The following TMTC1 variants were observed in gnomAD, a reference collection of about 807,000 sequenced individuals.
TMTC1 encodes the protein transmembrane O-mannosyltransferase targeting cadherins 1, also known as protein O-mannosyl-transferase TMTC1.
In TMTC1, 73 loss-of-function variants were observed where a neutral mutation model predicts 104.8. That is an observed-to-expected ratio of 0.70 (90% CI 0.58 to 0.85). TMTC1 has a LOEUF of 0.85. TMTC1 is among the 40% of genes least tolerant of loss of function. TMTC1 has a pLI of 0.00. For missense variants in TMTC1, 1,035 were observed against 1,096.1 expected, an observed-to-expected ratio of 0.94 and a Z score of 0.79; for synonymous variants, 434 against 428.7, an observed-to-expected ratio of 1.01 and a Z score of -0.15.
Position 29,602,246 on chromosome 12 carries a change from G to A in TMTC1, c.1250+1932C>T, listed in dbSNP as rs889863475. 6.6e-5 allele frequency among the ~76,000 whole-genome samples: 10 copies of A among 152,266 alleles called. No individual in the cohort carries two copies. In the South Asian group the frequency reaches 1.2e-3, roughly 19 times the overall value. On this transcript the variant is annotated intron_variant, in intron 7 of 17. Coordinates refer to ENST00000539277, the MANE Select transcript of TMTC1 (RefSeq NM_001193451.2). ...CATCCTCAACCTTCCGGGCTCAAGA[G>A]ATCCCCCACCTTAGTCTCCTGAGTA... is the stretch of plus-strand genomic sequence containing the variant.
intron 5 of TMTC1, among the ~76,000 whole-genome samples, chr12:29,717,560 C>G (rs1942119757): frequency 6.6e-6 from 1 of 152,178 alleles, no homozygotes; most frequent in Non-Finnish European, 1.5e-5. Flanking sequence ...TTTCACAAAC[C>G]TGTGTTCCAA....
At chr12:29,580,908 T>G (rs1315104103) in intron 8 of TMTC1, among the ~76,000 whole-genome samples, 1 of 152,168 alleles carries the variant, frequency 6.6e-6, no homozygotes, top group Non-Finnish European at 1.5e-5. Context: ...ATTCTCTCTC[T>G]CTCATCCTAG....
intron 6 of TMTC1, among the ~76,000 whole-genome samples, chr12:29,618,266 G>A (rs995433861): frequency 1.2e-4 from 19 of 152,182 alleles, no homozygotes; most frequent in Admixed American, 3.9e-4. Context: ...CACTGAATGG[G>A]TAAAGTCAAA....
chr12:29,735,386 C>T (rs1268729278), intron 5 of TMTC1, among the ~76,000 whole-genome samples: 2 of 152,040 alleles, frequency 1.3e-5, no homozygotes, highest in East Asian at 1.9e-4. Flanking sequence ...TTGCAAAATG[C>T]AGATAAGAAT....
Position 29,783,803 on chromosome 12 carries a change from T to C in TMTC1, c.-52A>G. On this transcript the variant is annotated 5_prime_UTR_variant, in exon 1 of 18. Coordinates refer to ENST00000539277, the MANE Select transcript of TMTC1 (RefSeq NM_001193451.2). The surrounding 1 kb of genome is among the most constrained non-coding windows in gnomAD (Gnocchi z 4.7). ...GGCCTCTCCCGGGCGTCTGGCATCC[T>C]CCCCTACCGGGGCCCCGGCGGCGCG... The C allele has an allele frequency of 8.9e-7, 1 of 1,119,982 alleles. No homozygotes were observed. The highest frequency in any genetic ancestry group is 1.6e-5 in the African/African-American group (1 of 60,724). The allele number at this position is 1,119,982 out of a possible 1,614,324, so 69.4% of individuals were successfully genotyped here.
At chr12:29,637,221 A>C (rs1938606468) in intron 5 of TMTC1, among the ~76,000 whole-genome samples, 1 of 152,218 alleles carries the variant, frequency 6.6e-6, no homozygotes. Flanking sequence ...TAGTTCAGCT[A>C]GCTGTCCAAC....
rs560709434 is a variant in TMTC1 at position 29,587,144 on chromosome 12, G to T, written c.1251-3570C>A. Among the ~76,000 whole-genome samples, 372 of 152,054 alleles carry T rather than the reference G, an allele frequency of 2.4e-3. 1 individual carries two copies. The highest frequency in any genetic ancestry group is 8.6e-3 in the African/African-American group (358 of 41,496). On this transcript the variant is annotated intron_variant, in intron 7 of 17. Transcript: ENST00000539277. ...TATTGGTCTATTCAGAGATTCAACT[G>T]CTTCCTGGTTTAGTCTTGGGAGGGT...
chr12:29,645,061 T>G (rs1005788117), intron 5 of TMTC1, among the ~76,000 whole-genome samples: 2 of 152,192 alleles, frequency 1.3e-5, no homozygotes, highest in African/African-American at 4.8e-5. Context: ...GAGCAGTGAC[T>G]ATGTCTGTCT....
chr12:29,688,842 G>A (rs1941177703), intron 5 of TMTC1, among the ~76,000 whole-genome samples: 1 of 151,100 alleles, frequency 6.6e-6, no homozygotes, highest in Non-Finnish European at 1.5e-5. Flanking sequence ...CTACCTTTTT[G>A]TTGGGAACAA....
intron 6 of TMTC1, among the ~76,000 whole-genome samples, chr12:29,631,678 C>A (rs144688832): frequency 6.6e-6 from 1 of 152,118 alleles, no homozygotes; most frequent in South Asian, 2.1e-4. Context: ...GTGTTGCATG[C>A]CACACATTGT....
chr12:29,578,090 T>C (rs1243531626), intron 8 of TMTC1, among the ~76,000 whole-genome samples: 2 of 152,098 alleles, frequency 1.3e-5, no homozygotes, highest in African/African-American at 2.4e-5. Flanking sequence ...TTCTAATTTA[T>C]GTCCCACCCA....
rs1314632418 is a variant in TMTC1 at position 29,751,671 on chromosome 12, C to T, written c.933G>A (p.Met311Ile). 1 of 1,614,146 alleles carries T rather than the reference C, an allele frequency of 6.2e-7. No individual in the cohort carries two copies. The highest frequency in any genetic ancestry group is 1.1e-5 in the South Asian group (1 of 91,066). The change falls in exon 5 of 18, where the codon ATG becomes ATA. Residue 311 changes from methionine (M) to isoleucine (I), a missense_variant. By Grantham distance (10) the Met-to-Ile change is conservative. Transcript: ENST00000539277. The stretch of plus-strand genomic sequence containing the variant: ...CAAGAAACCCAGCCCAGTACCTCAT[C>T]ATGGACCACACAGCTCGTGGGGACA... Reference protein sequence around the residue: ...FPVSPRAVWSMMRFLTYSYLL... With the variant: ...FPVSPRAVWSIMRFLTYSYLL...
At chr12:29,674,874 G>A (rs543312562) in intron 5 of TMTC1, among the ~76,000 whole-genome samples, 1 of 152,308 alleles carries the variant, frequency 6.6e-6, no homozygotes, top group Admixed American at 6.5e-5. Flanking sequence ...GCCAGCAGCA[G>A]CCCTGATCTA....
intron 5 of TMTC1, among the ~76,000 whole-genome samples, chr12:29,737,383 T>G (rs1277030391): frequency 1.3e-5 from 2 of 152,196 alleles, no homozygotes; most frequent in Admixed American, 1.3e-4. Flanking sequence ...CTGGGCCTGG[T>G]GGCGCATGCC....
At chr12:29,628,387 G>A (rs775658991) in intron 6 of TMTC1, among the ~76,000 whole-genome samples, 7 of 152,112 alleles carry the variant, frequency 4.6e-5, no homozygotes, top group Admixed American at 1.3e-4. Context: ...TATTACTCCT[G>A]TAAACAAAAA....
intron 5 of TMTC1, among the ~76,000 whole-genome samples, chr12:29,710,242 G>C (rs964026315): frequency 1.3e-5 from 2 of 152,014 alleles, no homozygotes; most frequent in African/African-American, 4.8e-5. Context: ...CCACTTTGCC[G>C]GGGTCTGCAG....
chr12:29,751,607 T>A (rs1220475666), intron 5 of TMTC1, 59 bp downstream of exon 5: 19 of 1,584,388 alleles, frequency 1.2e-5, no homozygotes, highest in African/African-American at 2.7e-5. Flanking sequence ...CATCCCAGGC[T>A]GCACTAGGTG....
At chr12:29,649,372 C>T (rs1160961851) in intron 5 of TMTC1, among the ~76,000 whole-genome samples, 1 of 152,140 alleles carries the variant, frequency 6.6e-6, no homozygotes, top group African/African-American at 2.4e-5. Flanking sequence ...GATAATAGAG[C>T]ATTCTTTGTG....
At chr12:29,762,890 A>T (rs2120415792) in intron 2 of TMTC1, among the ~76,000 whole-genome samples, 1 of 152,328 alleles carries the variant, frequency 6.6e-6, no homozygotes, top group Middle Eastern at 3.4e-3. Flanking sequence ...CTCAGACTAC[A>T]CTACCACCTC....
Sources: gnomAD v4.1 joint callset for allele counts (sites outside exome capture counted in the v4.1 genomes callset) on GRCh38, gnomAD v4.1.1 for gene constraint, Gnocchi (gnomAD v3.1) non-coding constraint, MANE v1.5 for transcripts, NCBI Gene and HGNC (gene_info 2026-07-23, HGNC 2026-07-21) for gene names.